Variants in C12orf56 observed in about 807,000 individuals in gnomAD.
The protein encoded by C12orf56 is chromosome 12 open reading frame 56, also known as uncharacterized protein C12orf56.
In C12orf56, 71 loss-of-function variants were observed where a neutral mutation model predicts 69.9. The observed-to-expected ratio is 1.02, with a 90% CI of 0.84 to 1.24. The LOEUF (loss-of-function observed/expected upper bound fraction) is 1.24. Ranked by LOEUF, C12orf56 falls within the 50% of genes most tolerant of loss-of-function variation. The probability of loss-of-function intolerance (pLI) is 0.00; values close to 1 mark genes in which losing one functional copy is unlikely to be tolerated. For synonymous variants in C12orf56, 276 were observed against 274.1 expected (o/e 1.01, Z -0.07); for missense variants, 732 against 738.5 (o/e 0.99, Z 0.10).
intron 6 of C12orf56, among the ~76,000 whole-genome samples, chr12:64,301,991 G>T (rs1049463599): frequency 1.3e-5 from 2 of 152,202 alleles, no homozygotes; most frequent in Admixed American, 1.3e-4. Context: ...AAAGTCACAA[G>T]AAACTTTTGA....
At chr12:64,305,556 T>C (rs550576766) in intron 5 of C12orf56, among the ~76,000 whole-genome samples, 6 of 152,144 alleles carry the variant, frequency 3.9e-5, no homozygotes, top group Non-Finnish European at 7.4e-5. Flanking sequence ...TAATTTTTTG[T>C]ATTTTTAGTA....
intron 3 of C12orf56, among the ~76,000 whole-genome samples, chr12:64,323,398 C>T (rs1201753596): frequency 6.6e-6 from 1 of 152,142 alleles, no homozygotes; most frequent in Non-Finnish European, 1.5e-5. Flanking sequence ...GTATCTATAT[C>T]TTTATATATT....
At chr12:64,387,663 C>G (rs2039812574) in intron 1 of C12orf56, among the ~76,000 whole-genome samples, 1 of 151,550 alleles carries the variant, frequency 6.6e-6, no homozygotes. Flanking sequence ...AATACGAAAA[C>G]TAGCCAGGCA....
intron 2 of C12orf56, chr12:64,338,398 A>G: frequency 1.4e-6 from 1 of 714,608 alleles, no homozygotes; most frequent in South Asian, 1.4e-5. Context: ...GGACATCAAC[A>G]TCGTTTTTGG....
Position 64,264,923 on chromosome 12 carries a change from A to G in C12orf56, c.*2260T>C, listed in dbSNP as rs2037904854. On this transcript the variant is annotated 3_prime_UTR_variant, in exon 13 of 13. Coordinates refer to ENST00000543942, the MANE Select transcript of C12orf56 (RefSeq NM_001170633.2). ...ACTTTAGCCCCACATAAAAAGATTC[A>G]GATATATTTTGACAGAGATTTTGCT... The G allele has an allele frequency of 6.6e-6, 1 of 152,206 alleles. No individual in the cohort carries two copies. Among genetic ancestry groups the G allele is most frequent in the South Asian group, 2.1e-4 (1 of 4,834 alleles). 9.4% of individuals were successfully genotyped at this position (152,206 alleles called of 1,614,324 possible).
intron 1 of C12orf56, among the ~76,000 whole-genome samples, chr12:64,356,659 A>T (rs944733796): frequency 7.9e-5 from 12 of 152,196 alleles, no homozygotes; most frequent in African/African-American, 2.7e-4. Flanking sequence ...GGGGTGACTC[A>T]GGTCAAAGCA....
intron 1 of C12orf56, among the ~76,000 whole-genome samples, chr12:64,376,765 T>C (rs745640160): frequency 5.3e-5 from 8 of 152,222 alleles, no homozygotes; most frequent in Non-Finnish European, 1.0e-4. Context: ...TCCAGCTCCA[T>C]CCATGTCTCT....
intron 8 of C12orf56, among the ~76,000 whole-genome samples, chr12:64,284,331 A>C (rs2038171314): frequency 6.6e-6 from 1 of 152,188 alleles, no homozygotes; most frequent in African/African-American, 2.4e-5. Flanking sequence ...TGTTGTGTGG[A>C]TATAAGGACA....
Position 64,285,992 on chromosome 12 carries a change from A to C in C12orf56, c.1182T>G (p.Asn394Lys), listed in dbSNP as rs1344272248. ...CCCTTTGGCTTTGATTTTGTAGTGC[A>C]TTCTTATCCCTAGACTCCGGCAAGT... The part of the protein sequence containing the change: ...HEYLPESRDK[N>K]ALQNQSQRVD... The change falls in exon 7 of 13, where the codon AAT (asparagine) becomes AAG (lysine). Residue 394 changes from asparagine (N) to lysine (K), a missense_variant. Transcript: ENST00000543942. 6.2e-7 allele frequency: 1 copy of C among 1,610,458 alleles called. No homozygotes were observed. Among genetic ancestry groups the C allele is most frequent in the East Asian group, 2.2e-5 (1 of 44,842 alleles).
At chr12:64,386,098 T>C (rs926069781) in intron 1 of C12orf56, among the ~76,000 whole-genome samples, 2 of 152,210 alleles carry the variant, frequency 1.3e-5, no homozygotes, top group Non-Finnish European at 1.5e-5. Flanking sequence ...CTACATTCCT[T>C]GGCTAAGGCC....
chr12:64,366,778 T>A, intron 1 of C12orf56, among the ~76,000 whole-genome samples: 1 of 39,306 alleles, frequency 2.5e-5, no homozygotes, highest in Non-Finnish European at 4.1e-5. Context: ...TTTATATATA[T>A]TATATATAAC....
chr12:64,331,059 A>G (rs1191738767), intron 2 of C12orf56, 27 bp from the exon 3 acceptor site: 35 of 1,472,446 alleles, frequency 2.4e-5, no homozygotes, highest in Non-Finnish European at 3.2e-5. Flanking sequence ...TTATTTGGTC[A>G]TTAATTAAAT....
rs533049032 is a variant in C12orf56, at chr12:64,264,956, A to T, written c.*2227T>A. ...TTTGACAGAGATTTTGCTCCCAGAG[A>T]TTAAAGTAAGATCCCAGGGCAAAGA... On this transcript the variant is annotated 3_prime_UTR_variant, in exon 13 of 13. Transcript: ENST00000543942. The T allele has an allele frequency of 6.6e-6, 1 of 152,310 alleles. No homozygotes were observed. The highest frequency in any genetic ancestry group is 2.4e-5 in the African/African-American group (1 of 41,562). 9.4% of individuals were successfully genotyped at this position (152,310 alleles called of 1,614,324 possible). A position where few individuals can be genotyped will look rare whatever the true frequency, so the allele number is the denominator to read the frequency against.
chr12:64,268,038 T>G (rs1292003287), intron 12 of C12orf56, among the ~76,000 whole-genome samples: 1 of 152,208 alleles, frequency 6.6e-6, no homozygotes, highest in Non-Finnish European at 1.5e-5. Context: ...GAGCATTTAC[T>G]TTGAGCATCA....
intron 2 of C12orf56, among the ~76,000 whole-genome samples, chr12:64,334,851 C>G (rs2038972821): frequency 6.6e-6 from 1 of 152,038 alleles, no homozygotes. Flanking sequence ...ACCACTAAAG[C>G]CTGTAAGGTC....
intron 11 of C12orf56, among the ~76,000 whole-genome samples, chr12:64,273,077 T>G (rs1212688443): frequency 1.3e-5 from 2 of 152,146 alleles, no homozygotes; most frequent in African/African-American, 4.8e-5. Flanking sequence ...GATGATCACC[T>G]GAGGTCAGGA....
chr12:64,355,353 C>T (rs983861810), intron 1 of C12orf56, among the ~76,000 whole-genome samples: 1 of 152,072 alleles, frequency 6.6e-6, no homozygotes, highest in Non-Finnish European at 1.5e-5. Context: ...GTAATTCAAA[C>T]CAGTTAATGA....
At chr12:64,347,573 A>T (rs1592474739) in intron 2 of C12orf56, among the ~76,000 whole-genome samples, 1 of 152,106 alleles carries the variant, frequency 6.6e-6, no homozygotes, top group African/African-American at 2.4e-5. Flanking sequence ...CACTGTACCC[A>T]GCCTAACTTC....
intron 2 of C12orf56, among the ~76,000 whole-genome samples, chr12:64,334,299 A>G (rs1054651926): frequency 6.6e-6 from 1 of 152,204 alleles, no homozygotes; most frequent in Non-Finnish European, 1.5e-5. Context: ...TTTGCCCCAC[A>G]TCATTGGTTT....
Sources: gnomAD v4.1 joint callset for allele counts (sites outside exome capture counted in the v4.1 genomes callset) on GRCh38, gnomAD v4.1.1 for gene constraint, MANE v1.5 for transcripts, NCBI Gene and HGNC (gene_info 2026-07-23, HGNC 2026-07-21) for gene names.